The following MARK4 variants were observed in gnomAD, a reference collection of about 807,000 sequenced individuals.
MARK4 encodes the protein MAP/microtubule affinity-regulating kinase 4.
Under a neutral mutation model 81.5 loss-of-function variants are expected in MARK4, and 19 were observed. The observed-to-expected ratio is 0.23, with a 90% CI of 0.16 to 0.34. The LOEUF (loss-of-function observed/expected upper bound fraction) is 0.34, where lower values mean the gene tolerates loss of function less well. Ranked by LOEUF, MARK4 falls within the 10% of genes least tolerant of loss-of-function variation. The probability of loss-of-function intolerance (pLI) is 1.00; values close to 1 mark genes in which losing one functional copy is unlikely to be tolerated. For missense variants in MARK4, 772 were observed against 1,058.8 expected, an observed-to-expected ratio of 0.73 and a Z score of 3.76; for synonymous variants, 436 against 439.0, an observed-to-expected ratio of 0.99 and a Z score of 0.08.
At chr19:45,264,272 C>T (rs993587419) in intron 4 of MARK4, among the ~76,000 whole-genome samples, 4 of 151,626 alleles carry the variant, frequency 2.6e-5, no homozygotes, top group Non-Finnish European at 4.4e-5. Flanking sequence ...GAGGCCGAGG[C>T]GGGTGGATGA....
intron 8 of MARK4, among the ~76,000 whole-genome samples, chr19:45,276,751 G>A (rs561544645): frequency 4.7e-5 from 7 of 148,616 alleles, no homozygotes; most frequent in East Asian, 2.0e-4. Flanking sequence ...TCAGCCTCCC[G>A]CGTAGCTGGG....
chr19:45,257,301 A>G (rs1970318973), intron 1 of MARK4, among the ~76,000 whole-genome samples: 2 of 151,776 alleles, frequency 1.3e-5, no homozygotes, highest in Admixed American at 1.3e-4. Context: ...AAATTAAAGT[A>G]TGTACATTGT....
chr19:45,260,875 C>T (rs1037337177), intron 2 of MARK4, among the ~76,000 whole-genome samples: 5 of 152,152 alleles, frequency 3.3e-5, no homozygotes, highest in Non-Finnish European at 7.3e-5. Context: ...ACTCTCCCCA[C>T]CACCTCTTCC....
At chr19:45,283,434 A>T (rs1970702900) in intron 12 of MARK4, among the ~76,000 whole-genome samples, 2 of 139,702 alleles carry the variant, frequency 1.4e-5, no homozygotes, top group Non-Finnish European at 3.2e-5. Context: ...AAAAAAAAAA[A>T]AATCAACTTC....
chr19:45,296,332 G>A (rs546246808), intron 14 of MARK4, among the ~76,000 whole-genome samples: 1 of 152,288 alleles, frequency 6.6e-6, no homozygotes, highest in Non-Finnish European at 1.5e-5. Context: ...AAATAAAAAG[G>A]ACGTTTAGTC....
At chr19:45,274,025 G>A (rs953670416) in intron 8 of MARK4, among the ~76,000 whole-genome samples, 24 of 151,380 alleles carry the variant, frequency 1.6e-4, no homozygotes, top group African/African-American at 5.8e-4. Context: ...CGAGGCGGGC[G>A]GATCACGAGG....
intron 15 of MARK4, chr19:45,298,355 C>T: frequency 1.1e-6 from 1 of 942,132 alleles, no homozygotes; most frequent in Non-Finnish European, 1.6e-6. Context: ...TTCATTTACT[C>T]ACAGAAGCAC....
intron 8 of MARK4, among the ~76,000 whole-genome samples, chr19:45,272,040 ACTC>A (rs921129711): frequency 6.9e-5 from 10 of 144,642 alleles, no homozygotes; most frequent in African/African-American, 2.2e-4. Flanking sequence ...AGAGGCAAAA[ACTC>A]CTGCTTGGCC....
intron 13 of MARK4, among the ~76,000 whole-genome samples, chr19:45,289,845 C>G (rs1192197988): frequency 6.6e-6 from 1 of 152,030 alleles, no homozygotes; most frequent in Non-Finnish European, 1.5e-5. Flanking sequence ...GCCTGTAATT[C>G]CAGCACTTTG....
chr19:45,271,338 A>G lies in MARK4; in HGVS notation c.550-134A>G, dbSNP rs1970524041. On this transcript the variant is annotated intron_variant, in intron 7 of 16. Coordinates refer to ENST00000262891, the MANE Select transcript of MARK4 (RefSeq NM_001199867.2). The surrounding 1 kb of genome is among the most constrained non-coding windows in gnomAD (Gnocchi z 4.1). ...GTAAAGTTACTACCTAAGGTCAGGT[A>G]GAGAGTAAAGGACAGGCCCAAGAGT... 1.3e-6 allele frequency: 1 copy of G among 786,954 alleles called. No homozygotes were observed. Among genetic ancestry groups the G allele is most frequent in the African/African-American group, 1.7e-5 (1 of 58,086 alleles). 48.7% of individuals were successfully genotyped at this position (786,954 alleles called of 1,614,324 possible).
chr19:45,277,020 C>T (rs900127912), intron 8 of MARK4, among the ~76,000 whole-genome samples: 3 of 151,952 alleles, frequency 2.0e-5, no homozygotes, highest in Non-Finnish European at 2.9e-5. Flanking sequence ...ATAAGGAGAC[C>T]GAGGCCCCAG....
Position 45,277,863 on chromosome 19 carries a change from GT to G in MARK4, c.787-59del, listed in dbSNP as rs1970620893. 6.2e-6 allele frequency: 9 copies of G among 1,447,354 alleles called. No homozygotes were observed. In the African/African-American group the frequency reaches 1.4e-4, roughly 22 times the overall value. The allele number at this position is 1,447,354 out of a possible 1,614,324, so 89.7% of individuals were successfully genotyped here. A position where few individuals can be genotyped will look rare whatever the true frequency, so the allele number is the denominator to read the frequency against. On this transcript the variant is annotated intron_variant, in intron 8 of 16. Transcript: ENST00000262891. ...TGTGTGTGTGTGTGTGTGTGTGTGT[GT>G]GTGTGTAATAGGTGGGGGGCGGGGC...
At position 45,271,546 on chromosome 19, in the gene MARK4, G is replaced by A. The variant is rs144134012; in HGVS notation, c.624G>A (p.Leu208=). The part of the protein sequence containing the change: ...ADFGFSNEFT[L]GSKLDTFCGS... ...TTGGCTTCAGCAACGAGTTCACGCT[G>A]GGATCGAAGCTGGACACGTTCTGCG... Residue 208 remains leucine, a synonymous_variant, in exon 8 of 17, where the codon CTG becomes CTA. Coordinates refer to ENST00000262891, the MANE Select transcript of MARK4 (RefSeq NM_001199867.2). This position sits in a 1 kb window ranked among gnomAD's most constrained non-coding sequence, Gnocchi z 4.1. 868 of 1,614,228 alleles carry A rather than the reference G, an allele frequency of 5.4e-4. No individual in the cohort carries two copies. Among genetic ancestry groups the A allele is most frequent in the Non-Finnish European group, 5.1e-4 (597 of 1,180,044 alleles).
intron 1 of MARK4, among the ~76,000 whole-genome samples, chr19:45,253,729 G>A (rs1970273309): frequency 6.6e-6 from 1 of 152,124 alleles, no homozygotes; most frequent in South Asian, 2.1e-4. Context: ...AGCCAGCGAC[G>A]TGATGTGACT....
In MARK4 at chr19:45,251,531, A is replaced by T; in HGVS notation, c.-58A>T. 1.6e-6 allele frequency: 1 copy of T among 641,038 alleles called. No individual in the cohort carries two copies. The allele number at this position is 641,038 out of a possible 1,614,324, so 39.7% of individuals were successfully genotyped here. A position where few individuals can be genotyped will look rare whatever the true frequency, so the allele number is the denominator to read the frequency against. ...GCGGGGGGGGAGGGGAAGAGAGGGGACCCTGGGACCCCCGCCCCCCCCACC... is the reference window on the plus strand; with the variant it reads ...GCGGGGGGGGAGGGGAAGAGAGGGGTCCCTGGGACCCCCGCCCCCCCCACC... On this transcript the variant is annotated 5_prime_UTR_variant, in exon 1 of 17. Transcript: ENST00000262891.
At chr19:45,289,818 C>A (rs1970798088) in intron 13 of MARK4, among the ~76,000 whole-genome samples, 1 of 151,800 alleles carries the variant, frequency 6.6e-6, no homozygotes, top group African/African-American at 2.4e-5. Context: ...AGTTTTTAGT[C>A]AGACATGGTG....
At chr19:45,267,517 C>T (rs1970471544) in intron 7 of MARK4, among the ~76,000 whole-genome samples, 1 of 152,218 alleles carries the variant, frequency 6.6e-6, no homozygotes, top group Non-Finnish European at 1.5e-5. Context: ...CTGTATGTCT[C>T]AGTCCTCGCG....
intron 8 of MARK4, among the ~76,000 whole-genome samples, chr19:45,273,300 C>T (rs539947515): frequency 6.6e-6 from 1 of 152,148 alleles, no homozygotes; most frequent in Non-Finnish European, 1.5e-5. Context: ...TCTTTGCTGC[C>T]CTCATCGGCA....
At position 45,285,916 on chromosome 19, in the gene MARK4, G is replaced by A. The variant is rs376803972; in HGVS notation, c.1277-1531G>A. Among the ~76,000 whole-genome samples the A allele has an allele frequency of 3.3e-5, 5 of 152,254 alleles. No homozygotes were observed. The East Asian group carries it at 7.7e-4, about 23-fold the overall frequency. On this transcript the variant is annotated intron_variant, in intron 12 of 16. Transcript: ENST00000262891. ...TTCCTAGAGACCAGAATTATTTTGT[G>A]TTGCTTTTGAAATTGTTCATACAAT...
Sources: gnomAD v4.1 joint callset for allele counts (sites outside exome capture counted in the v4.1 genomes callset) on GRCh38, gnomAD v4.1.1 for gene constraint, Gnocchi (gnomAD v3.1) non-coding constraint, MANE v1.5 for transcripts, NCBI Gene and HGNC (gene_info 2026-07-23, HGNC 2026-07-21) for gene names.